The following GRID2 variants were observed in gnomAD, a reference collection of about 807,000 sequenced individuals.
GRID2 encodes the protein glutamate ionotropic receptor delta type subunit 2.
GRID2 carries 33 observed loss-of-function variants against 114.8 expected under a neutral mutation model. The ratio of observed to expected loss-of-function variants is 0.29; its 90% CI spans 0.22 to 0.38. GRID2 has a LOEUF of 0.38. Among genes scored for constraint, GRID2 ranks in the 10% least tolerant of loss-of-function variants. The pLI, the probability that GRID2 is intolerant of heterozygous loss-of-function variation, is 1.00. For synonymous variants in GRID2, 505 were observed against 449.9 expected (o/e 1.12, Z -1.55); for missense variants, 1,184 against 1,257.7 (o/e 0.94, Z 0.89).
intron 14 of GRID2, among the ~76,000 whole-genome samples, chr4:93,704,244 C>T (rs1727788504): frequency 6.6e-6 from 1 of 152,118 alleles, no homozygotes. Flanking sequence ...CTCTGATGGC[C>T]AGTGATGATG....
intron 2 of GRID2, among the ~76,000 whole-genome samples, chr4:92,945,539 T>G (rs1339847494): frequency 1.3e-5 from 2 of 152,204 alleles, no homozygotes; most frequent in Admixed American, 1.3e-4. Flanking sequence ...AAATTATGTT[T>G]GATTCTTACA....
At chr4:93,103,571 G>A (rs565386081) in intron 3 of GRID2, among the ~76,000 whole-genome samples, 3 of 151,972 alleles carry the variant, frequency 2.0e-5, no homozygotes, top group African/African-American at 7.2e-5. Flanking sequence ...TATACAGTCT[G>A]GATAAGAAAA....
chr4:92,884,252 C>G (rs879133832), intron 2 of GRID2, among the ~76,000 whole-genome samples: 1 of 152,130 alleles, frequency 6.6e-6, no homozygotes, highest in East Asian at 1.9e-4. Flanking sequence ...CCTCTCTCAG[C>G]CTTCATAGAG....
At chr4:93,706,273 A>T (rs1366235228) in intron 14 of GRID2, among the ~76,000 whole-genome samples, 1 of 152,168 alleles carries the variant, frequency 6.6e-6, no homozygotes, top group African/African-American at 2.4e-5. Context: ...CTTTGGATAT[A>T]ATTGACATTT....
intron 1 of GRID2, among the ~76,000 whole-genome samples, chr4:92,364,521 T>G (rs553832856): frequency 7.9e-5 from 12 of 152,042 alleles, no homozygotes; most frequent in Non-Finnish European, 1.6e-4. Flanking sequence ...TTGCAATAAG[T>G]CATTAAGGGT....
chr4:93,179,894 A>T (rs1739719261), intron 4 of GRID2, among the ~76,000 whole-genome samples: 1 of 152,142 alleles, frequency 6.6e-6, no homozygotes, highest in Admixed American at 6.6e-5. Flanking sequence ...ACCTCACAGT[A>T]TTTTCTAAGG....
At position 92,915,114 on chromosome 4, in the gene GRID2, G is replaced by A. The variant is rs893231267; in HGVS notation, c.245-169881G>A. Among the ~76,000 whole-genome samples, 7 of 152,092 alleles carry A rather than the reference G, an allele frequency of 4.6e-5. No individual in the cohort carries two copies. In the East Asian group the frequency reaches 5.8e-4, roughly 13 times the overall value. ...GTGGCAGGAAGGAGTAGTGCTGAGCGAAGGGGGAAGAGTCCCTTATTAAAC... is the reference window on the plus strand; with the variant it reads ...GTGGCAGGAAGGAGTAGTGCTGAGCAAAGGGGGAAGAGTCCCTTATTAAAC... On this transcript the variant is annotated intron_variant, in intron 2 of 15. Coordinates refer to ENST00000282020, the MANE Select transcript of GRID2 (RefSeq NM_001510.4).
chr4:93,428,788 T>C (rs1316389349), intron 10 of GRID2, among the ~76,000 whole-genome samples: 1 of 152,202 alleles, frequency 6.6e-6, no homozygotes, highest in Non-Finnish European at 1.5e-5. Context: ...TTTTAAGTTA[T>C]CAATATTTAC....
chr4:92,564,242 A>G (rs1267074543), intron 1 of GRID2, among the ~76,000 whole-genome samples: 5 of 152,082 alleles, frequency 3.3e-5, no homozygotes, highest in Non-Finnish European at 7.4e-5. Flanking sequence ...AATTATTTTA[A>G]ATAAGGCTAA....
rs76543329 is a variant in GRID2 at position 93,139,895 on chromosome 4, A to G, written c.735+28942A>G. Reference sequence around the variant, plus strand: ...TAATGTTATGAAAATGAAAGTATATAAAATATGTCTGGATCCTTCTTGGGG... The same window carrying G: ...TAATGTTATGAAAATGAAAGTATATGAAATATGTCTGGATCCTTCTTGGGG... On this transcript the variant is annotated intron_variant, in intron 4 of 15. Transcript: ENST00000282020. 1.8e-3 allele frequency among the ~76,000 whole-genome samples: 273 copies of G among 152,286 alleles called. 4 individuals are homozygous for G. The East Asian group carries it at 0.048, about 27-fold the overall frequency.
intron 1 of GRID2, among the ~76,000 whole-genome samples, chr4:92,337,620 G>A (rs190254842): frequency 6.6e-6 from 1 of 152,298 alleles, no homozygotes; most frequent in African/African-American, 2.4e-5. Context: ...CAAGAGAGGA[G>A]CTACCAAACA....
intron 2 of GRID2, among the ~76,000 whole-genome samples, chr4:92,895,830 TAGTA>T (rs1324588085): frequency 6.6e-6 from 1 of 152,132 alleles, no homozygotes; most frequent in African/African-American, 2.4e-5. Flanking sequence ...TAAAGAAATC[TAGTA>T]AGTATCAATC....
chr4:92,376,242 A>G (rs182297536), intron 1 of GRID2, among the ~76,000 whole-genome samples: 19 of 152,122 alleles, frequency 1.2e-4, no homozygotes, highest in African/African-American at 4.6e-4. Flanking sequence ...CCCGGGAGGC[A>G]GAGGTTGCAG....
chr4:92,305,380 A>T (rs377381551), intron 1 of GRID2, among the ~76,000 whole-genome samples: 1 of 151,964 alleles, frequency 6.6e-6, no homozygotes, highest in Non-Finnish European at 1.5e-5. Context: ...GTCGCCAAGG[A>T]CTGATTGTCG....
chr4:92,568,521 C>T (rs79401691), intron 1 of GRID2, among the ~76,000 whole-genome samples: 2,021 of 152,094 alleles, frequency 0.013, 24 homozygotes, highest in Non-Finnish European at 0.021. Flanking sequence ...CTCTACTAGT[C>T]TGTCATCTTG....
In GRID2 at chr4:93,103,151, CAG is replaced by C. The variant is rs1016222807; in HGVS notation, c.530-7596_530-7595del. Among the ~76,000 whole-genome samples, 12 of 152,080 alleles carry C rather than the reference CAG, an allele frequency of 7.9e-5. No homozygotes were observed. The South Asian group carries it at 8.3e-4, about 10-fold the overall frequency. ...GGGAACCACCTCACCAAAGGACACACAGGGGTGTAAAATTCCTCCTTCCACCA... is the reference window on the plus strand; with the variant it reads ...GGGAACCACCTCACCAAAGGACACACGGGTGTAAAATTCCTCCTTCCACCA... On this transcript the variant is annotated intron_variant, in intron 3 of 15. Transcript: ENST00000282020.
At chr4:93,103,547 A>G (rs545659007) in intron 3 of GRID2, among the ~76,000 whole-genome samples, 10 of 152,226 alleles carry the variant, frequency 6.6e-5, no homozygotes, top group African/African-American at 2.4e-4. Flanking sequence ...GGAAATGTTT[A>G]TACCTTACCC....
At chr4:92,696,201 C>G (rs1205913857) in intron 2 of GRID2, among the ~76,000 whole-genome samples, 1 of 152,046 alleles carries the variant, frequency 6.6e-6, no homozygotes, top group Admixed American at 6.5e-5. Flanking sequence ...GATAAGGACA[C>G]CAGATACTGC....
intron 14 of GRID2, among the ~76,000 whole-genome samples, chr4:93,627,189 T>C (rs1742811978): frequency 6.6e-6 from 1 of 152,174 alleles, no homozygotes; most frequent in African/African-American, 2.4e-5. Context: ...TAGAAGTATA[T>C]CCATTTTATA....
Sources: allele counts gnomAD v4.1 joint callset (sites outside exome capture counted in the v4.1 genomes callset), GRCh38; gene constraint gnomAD v4.1.1; transcripts MANE v1.5; gene names NCBI Gene and HGNC (gene_info 2026-07-23, HGNC 2026-07-21).